ASPM: variants seen among roughly 807,000 people sequenced by gnomAD.
ASPM encodes the protein assembly factor for spindle microtubules.
Under a neutral mutation model 366.4 loss-of-function variants are expected in ASPM, and 256 were observed. That is an observed-to-expected ratio of 0.70 (90% CI 0.63 to 0.77). The LOEUF (loss-of-function observed/expected upper bound fraction) is 0.77. Ranked by LOEUF, ASPM falls within the 30% of genes least tolerant of loss-of-function variation. The pLI is 0.00. For synonymous variants in ASPM, 1,414 were observed against 1,342.9 expected, an observed-to-expected ratio of 1.05 and a Z score of -1.16; for missense variants, 4,146 against 4,090.4, an observed-to-expected ratio of 1.01 and a Z score of -0.37.
chr1:197,116,248 G>A (rs1036758354), intron 17 of ASPM, among the ~76,000 whole-genome samples: 1 of 152,054 alleles, frequency 6.6e-6, no homozygotes, highest in African/African-American at 2.4e-5. Context: ...GTCAACCTTC[G>A]TAGAACTGAA....
intron 22 of ASPM, 29 bp downstream of exon 22, chr1:197,091,878 T>C (rs563031233): frequency 2.4e-5 from 39 of 1,603,134 alleles, no homozygotes; most frequent in Non-Finnish European, 3.3e-5. Flanking sequence ...AATTATATCA[T>C]ATAGTTTTAC....
chr1:197,099,303 A>G (rs1205688301), intron 18 of ASPM, among the ~76,000 whole-genome samples: 1 of 151,100 alleles, frequency 6.6e-6, no homozygotes, highest in Non-Finnish European at 1.5e-5. Context: ...TGTCTGGAGC[A>G]TAAAGACTAA....
rs201119243 is a variant in ASPM at position 197,097,981 on chromosome 1, T to G, written c.8821-1817A>C. Among the ~76,000 whole-genome samples, 10 of 147,472 alleles carry G rather than the reference T, an allele frequency of 6.8e-5. No homozygotes were observed. The East Asian group carries it at 1.9e-3, about 29-fold the overall frequency. On this transcript the variant is annotated intron_variant, in intron 18 of 27. Coordinates refer to ENST00000367409, the MANE Select transcript of ASPM (RefSeq NM_018136.5). ...TTATATATATGTATAGATATACGTG[T>G]GTGTATATATATATTTACAAATATA...
At chr1:197,129,848 A>C in intron 8 of ASPM, 67 bp downstream of exon 8, 2 of 1,552,504 alleles carry the variant, frequency 1.3e-6, no homozygotes, top group Non-Finnish European at 1.8e-6. Context: ...AAACAGAAAC[A>C]GGAAGAATGA....
chr1:197,113,295 A>C (rs1441754910), intron 17 of ASPM, among the ~76,000 whole-genome samples: 1 of 152,170 alleles, frequency 6.6e-6, no homozygotes, highest in African/African-American at 2.4e-5. Flanking sequence ...TCATTTGTAC[A>C]CTAAGGCTTA....
At chr1:197,135,382 C>A in intron 4 of ASPM, 140 bp from the exon 5 acceptor site, 1 of 864,374 alleles carries the variant, frequency 1.2e-6, no homozygotes. Flanking sequence ...CAGGAAAGAG[C>A]TGAAAGCATT....
At chr1:197,107,795 T>C (rs1360093785) in intron 17 of ASPM, among the ~76,000 whole-genome samples, 2 of 152,134 alleles carry the variant, frequency 1.3e-5, no homozygotes, top group Non-Finnish European at 1.5e-5. Context: ...TATGGCACAA[T>C]AGCAGAATGG....
chr1:197,089,593 GAAT>G (rs1365933790), intron 25 of ASPM, among the ~76,000 whole-genome samples: 1 of 151,738 alleles, frequency 6.6e-6, no homozygotes, highest in African/African-American at 2.4e-5. Context: ...TATAAAATGG[GAAT>G]AATAATATGA....
chr1:197,135,810 G>A (rs1210196645), intron 4 of ASPM, among the ~76,000 whole-genome samples: 2 of 151,912 alleles, frequency 1.3e-5, no homozygotes, highest in Non-Finnish European at 2.9e-5. Context: ...TAAACTAGCT[G>A]GGCATGGTGG....
In ASPM at chr1:197,129,337, A is replaced by G. The variant is rs79265068; in HGVS notation, c.2630-20T>C. On this transcript the variant is annotated intron_variant, in intron 8 of 27. Transcript: ENST00000367409. ...CATGACCTTAAATAAAGTACAAAAA[A>G]GCACAGCAAGTTAATCTATGAAAGG... is the stretch of plus-strand genomic sequence containing the variant. 2 of 1,610,066 alleles carry G rather than the reference A, an allele frequency of 1.2e-6. No homozygotes were observed. Among genetic ancestry groups the G allele is most frequent in the South Asian group, 1.1e-5 (1 of 90,612 alleles).
chr1:197,112,266 C>T (rs10922167), intron 17 of ASPM, among the ~76,000 whole-genome samples: 26,764 of 151,988 alleles, frequency 0.18, 3,846 homozygotes, highest in East Asian at 0.69. Flanking sequence ...GAACAGAAAA[C>T]CAAACACTGC....
chr1:197,099,612 T>G (rs1220694676), intron 18 of ASPM, among the ~76,000 whole-genome samples: 1 of 151,750 alleles, frequency 6.6e-6, no homozygotes, highest in Non-Finnish European at 1.5e-5. Context: ...CTTGTTCAAT[T>G]AAGTTCCTTG....
intron 4 of ASPM, among the ~76,000 whole-genome samples, chr1:197,135,447 G>A (rs1194359843): frequency 3.3e-5 from 5 of 151,926 alleles, no homozygotes; most frequent in Admixed American, 3.3e-4. Context: ...GATATTTCCT[G>A]GTTATTTAAC....
chr1:197,130,186 C>G (rs1658217200), intron 7 of ASPM, 130 bp from the exon 8 acceptor site: 2 of 947,976 alleles, frequency 2.1e-6, no homozygotes, highest in African/African-American at 1.6e-5. Flanking sequence ...TGGTTATTTG[C>G]TAAATAACTT....
At chr1:197,118,452 A>G (rs1657804982) in intron 16 of ASPM, among the ~76,000 whole-genome samples, 1 of 152,050 alleles carries the variant, frequency 6.6e-6, no homozygotes. Context: ...CACAGAATAC[A>G]TTGTGGCCTT....
chr1:197,138,322 G>A (rs1439684489), intron 4 of ASPM, among the ~76,000 whole-genome samples: 1 of 152,124 alleles, frequency 6.6e-6, no homozygotes, highest in Non-Finnish European at 1.5e-5. Flanking sequence ...TATTTCTTGA[G>A]ATGGAGTCCC....
At chr1:197,088,775 A>G (rs754131292) in intron 25 of ASPM, among the ~76,000 whole-genome samples, 9 of 152,124 alleles carry the variant, frequency 5.9e-5, no homozygotes, top group Non-Finnish European at 1.2e-4. Flanking sequence ...AAGGAAAAAG[A>G]TAACTTATCT....
At chr1:197,117,681 T>A in intron 17 of ASPM, 108 bp downstream of exon 17, 2 of 997,746 alleles carry the variant, frequency 2.0e-6, no homozygotes, top group Non-Finnish European at 3.0e-6. Flanking sequence ...AAGTATTAGA[T>A]AAAGAATCCT....
In ASPM at chr1:197,129,247, A is replaced by G; in HGVS notation, c.2700T>C (p.Ala900=). 2.5e-6 allele frequency: 4 copies of G among 1,612,434 alleles called. No individual in the cohort carries two copies. Among genetic ancestry groups the G allele is most frequent in the Non-Finnish European group, 3.4e-6 (4 of 1,178,612 alleles). Residue 900 remains alanine, a synonymous_variant, in exon 9 of 28, where the codon GCT becomes GCC. Coordinates refer to ENST00000367409, the MANE Select transcript of ASPM (RefSeq NM_018136.5). ...CATGATCAATGAGTCTGGAAATTTT[A>G]GCATAATCAAGAAAACAGACCAACA... ...LLLLVCFLDY[A]KISRLIDHDP... is the part of the protein sequence containing the mutation.
Sources: gnomAD v4.1 joint callset for allele counts (sites outside exome capture counted in the v4.1 genomes callset) on GRCh38, gnomAD v4.1.1 for gene constraint, MANE v1.5 for transcripts, NCBI Gene and HGNC (gene_info 2026-07-23, HGNC 2026-07-21) for gene names.